Variants in LAMTOR1 observed in about 807,000 individuals in gnomAD.
The protein encoded by LAMTOR1 is ragulator complex protein LAMTOR1.
A neutral mutation model predicts 20.5 loss-of-function variants in LAMTOR1; 8 were observed. The observed-to-expected ratio is 0.39, with a 90% CI of 0.23 to 0.70. The LOEUF is 0.70. LAMTOR1 is among the 30% of genes least tolerant of loss of function. The pLI, the probability that LAMTOR1 is intolerant of heterozygous loss-of-function variation, is 0.43. For missense variants in LAMTOR1, 135 were observed against 206.2 expected, an observed-to-expected ratio of 0.65 and a Z score of 2.11; for synonymous variants, 77 against 80.9, an observed-to-expected ratio of 0.95 and a Z score of 0.26.
At chr11:72,100,190 G>A (rs1489439211) in intron 1 of LAMTOR1, among the ~76,000 whole-genome samples, 3 of 152,146 alleles carry the variant, frequency 2.0e-5, no homozygotes, top group African/African-American at 7.2e-5. Flanking sequence ...TGAACCCAGG[G>A]TTTGAGGCTG....
chr11:72,099,948 C>T (rs1222579037), intron 1 of LAMTOR1, among the ~76,000 whole-genome samples: 1 of 152,148 alleles, frequency 6.6e-6, no homozygotes, highest in Admixed American at 6.5e-5. Context: ...ACTGAGTGTA[C>T]ATGGTGTATC....
intron 1 of LAMTOR1, among the ~76,000 whole-genome samples, chr11:72,101,593 C>T (rs1032343291): frequency 2.6e-5 from 4 of 152,128 alleles, no homozygotes; most frequent in African/African-American, 9.7e-5. Flanking sequence ...TAAACTGTAA[C>T]GTGTTGTATA....
Position 72,098,276 on chromosome 11 carries a change from A to AG in LAMTOR1, c.393+12dup. The AG allele has an allele frequency of 1.2e-6, 2 of 1,610,400 alleles. No homozygotes were observed. Among genetic ancestry groups the AG allele is most frequent in the Non-Finnish European group, 8.5e-7 (1 of 1,179,336 alleles). On this transcript the variant is annotated intron_variant, in intron 4 of 4. Coordinates refer to ENST00000278671, the MANE Select transcript of LAMTOR1 (RefSeq NM_017907.3). ...TGAGAAGGGTGGGCAGGGGCAGGTG[A>AG]GGGGTGTCTCACCTGCTGCAAATCA...
chr11:72,098,722 C>T lies in LAMTOR1; in HGVS notation c.266+59G>A, dbSNP rs377263055. The T allele has an allele frequency of 9.3e-5, 118 of 1,263,950 alleles. No individual in the cohort carries two copies. The African/African-American group carries it at 1.7e-3, about 18-fold the overall frequency. 78.3% of individuals were successfully genotyped at this position (1,263,950 alleles called of 1,614,324 possible). On this transcript the variant is annotated intron_variant, in intron 3 of 4. Coordinates refer to ENST00000278671, the MANE Select transcript of LAMTOR1 (RefSeq NM_017907.3). ...TAGGGGCCAGGCTCCAAAGCTGGAA[C>T]AGTGATGGAGGGTGGGAGCCCAAGT...
intron 3 of LAMTOR1, 32 bp downstream of exon 3, chr11:72,098,749 G>A: frequency 6.8e-7 from 1 of 1,474,098 alleles, no homozygotes; most frequent in Non-Finnish European, 9.1e-7. Flanking sequence ...AGCCCAAGTA[G>A]CCTGAGGGAC....
At position 72,099,144 on chromosome 11, in the gene LAMTOR1, G is replaced by C. The variant is rs1490656675; in HGVS notation, c.155C>G (p.Ala52Gly). 1 of 1,613,852 alleles carries C rather than the reference G, an allele frequency of 6.2e-7. No homozygotes were observed. Among genetic ancestry groups the C allele is most frequent in the Admixed American group, 1.7e-5 (1 of 59,990 alleles). Reference sequence around the variant, plus strand: ...CTTGGCAAGGATGGAAGAGAGCAGGGCCTGCTCATCAGTGCGAGCGGAAGG... The same window carrying C: ...CTTGGCAAGGATGGAAGAGAGCAGGCCCTGCTCATCAGTGCGAGCGGAAGG... The part of the protein sequence containing the change: ...SLPSARTDEQ[A>G]LLSSILAKTA... The change falls in exon 2 of 5, where the codon GCC (alanine) becomes GGC (glycine). Residue 52 changes from alanine to glycine, a missense_variant. Coordinates refer to ENST00000278671, the MANE Select transcript of LAMTOR1 (RefSeq NM_017907.3).
In LAMTOR1 at chr11:72,097,791, G is replaced by C; in HGVS notation, c.*31C>G. 1.2e-6 allele frequency: 2 copies of C among 1,613,952 alleles called. No homozygotes were observed. Among genetic ancestry groups the C allele is most frequent in the Non-Finnish European group, 1.7e-6 (2 of 1,179,926 alleles). Reference sequence around the variant, plus strand: ...GGGTGGGGTAGAGATGGGATGAAGAGAGGAGAAGAGCTGTCCAAGGACCCC... The same window carrying C: ...GGGTGGGGTAGAGATGGGATGAAGACAGGAGAAGAGCTGTCCAAGGACCCC... On this transcript the variant is annotated 3_prime_UTR_variant, in exon 5 of 5. Coordinates refer to ENST00000278671, the MANE Select transcript of LAMTOR1 (RefSeq NM_017907.3).
At chr11:72,098,710 C>A in intron 3 of LAMTOR1, 71 bp downstream of exon 3, 1 of 1,178,974 alleles carries the variant, frequency 8.5e-7, no homozygotes, top group South Asian at 1.5e-5. Flanking sequence ...GGGCCAGGCT[C>A]CAAAGCTGGA....
Position 72,098,396 on chromosome 11 carries a change from T to C in LAMTOR1, c.286A>G (p.Ser96Gly), listed in dbSNP as rs764378403. Reference protein sequence around the residue: ...RQYSTRLAVLSSSLTHWKKLP... With the variant: ...RQYSTRLAVLGSSLTHWKKLP... ...TTCTTCCAATGGGTCAGGCTGCTGCTCAGCACAGCCAAGCGGGTGCTGACC... is the reference window on the plus strand; with the variant it reads ...TTCTTCCAATGGGTCAGGCTGCTGCCCAGCACAGCCAAGCGGGTGCTGACC... Residue 96 changes from serine (S) to glycine (G), a missense_variant, in exon 4 of 5, where the codon AGC (serine) becomes GGC (glycine). Physicochemically the swap from Ser to Gly is moderately conservative, Grantham distance 56. Transcript: ENST00000278671. 7 of 1,611,982 alleles carry C rather than the reference T, an allele frequency of 4.3e-6. No homozygotes were observed. The East Asian group carries it at 1.6e-4, about 36-fold the overall frequency.
rs763247144 is a variant in LAMTOR1 at position 72,098,429 on chromosome 11, AG to A, written c.267-15del. The A allele has an allele frequency of 1.1e-5, 17 of 1,603,454 alleles. No individual in the cohort carries two copies. The highest frequency in any genetic ancestry group is 1.4e-5 in the Non-Finnish European group (17 of 1,175,180). Reference sequence around the variant, plus strand: ...GCCAAGCGGGTGCTGACCAAGAGAGAGGGGGTGGGGGTAGGCAGTTAAGCCA... The same window carrying A: ...GCCAAGCGGGTGCTGACCAAGAGAGAGGGGTGGGGGTAGGCAGTTAAGCCA... On this transcript the variant is annotated splice_polypyrimidine_tract_variant and intron_variant, in intron 3 of 4. Transcript: ENST00000278671.
At chr11:72,100,017 CT>C (rs1201436470) in intron 1 of LAMTOR1, among the ~76,000 whole-genome samples, 5 of 152,088 alleles carry the variant, frequency 3.3e-5, no homozygotes, top group Non-Finnish European at 7.3e-5. Flanking sequence ...AATCCCAACA[CT>C]TTGGGAGCCC....
intron 3 of LAMTOR1, 118 bp downstream of exon 3, chr11:72,098,663 G>T: frequency 1.2e-6 from 1 of 826,652 alleles, no homozygotes; most frequent in Non-Finnish European, 1.9e-6. Context: ...TCTGTGGTCA[G>T]TCTCCAGGGC....
intron 4 of LAMTOR1, 99 bp from the exon 5 acceptor site, chr11:72,098,013 G>T (rs537570879): frequency 2.2e-6 from 3 of 1,385,000 alleles, no homozygotes; most frequent in Non-Finnish European, 2.9e-6. Context: ...TGGAGAAGGA[G>T]GGAATGAAGG....
chr11:72,097,810 G>A lies in LAMTOR1; in HGVS notation c.*12C>T, dbSNP rs1555052302. On this transcript the variant is annotated 3_prime_UTR_variant, in exon 5 of 5. Transcript: ENST00000278671. The stretch of plus-strand genomic sequence containing the variant: ...TGAAGAGAGGAGAAGAGCTGTCCAA[G>A]GACCCCTCTCTTCATGGGATCCCAA... 1 of 1,613,952 alleles carries A rather than the reference G, an allele frequency of 6.2e-7. No homozygotes were observed. The highest frequency in any genetic ancestry group is 8.5e-7 in the Non-Finnish European group (1 of 1,179,996).
At chr11:72,099,779 C>T (rs1373257139) in intron 1 of LAMTOR1, among the ~76,000 whole-genome samples, 4 of 152,210 alleles carry the variant, frequency 2.6e-5, no homozygotes, top group Admixed American at 2.6e-4. Context: ...CAAGCCCAAC[C>T]TCTCCATGGC....
Position 72,103,268 on chromosome 11 carries a change from G to GGCCAATAATCTTATATTT in LAMTOR1, c.-45_-44insAAATATAAGATTATTGGC. On this transcript the variant is annotated 5_prime_UTR_variant, in exon 1 of 5. Transcript: ENST00000278671. ...CGCTCAGGCCGCGCCGAGGAGGGAC[G>GGCCAATAATCTTATATTT]GCGTCCGTGAGGAGCCCTTCCGGTC... 2 of 1,546,934 alleles carry GGCCAATAATCTTATATTT rather than the reference G, an allele frequency of 1.3e-6. No individual in the cohort carries two copies. Among genetic ancestry groups the GGCCAATAATCTTATATTT allele is most frequent in the South Asian group, 2.4e-5 (2 of 83,878 alleles).
At chr11:72,098,197 C>T (rs1287012086) in intron 4 of LAMTOR1, 92 bp downstream of exon 4, 1 of 1,532,384 alleles carries the variant, frequency 6.5e-7, no homozygotes, top group Non-Finnish European at 8.9e-7. Flanking sequence ...ACTCCACCTT[C>T]CCTACCTCCT....
At chr11:72,101,300 G>A (rs577550034) in intron 1 of LAMTOR1, among the ~76,000 whole-genome samples, 52 of 152,344 alleles carry the variant, frequency 3.4e-4, no homozygotes, top group African/African-American at 1.2e-3. Flanking sequence ...GTTTGTCTCT[G>A]CATTAGTGTA....
intron 3 of LAMTOR1, 39 bp from the exon 4 acceptor site, chr11:72,098,454 C>T (rs510925): frequency 0.048 from 77,187 of 1,592,928 alleles, 4,070 homozygotes; most frequent in East Asian, 0.23. Flanking sequence ...GCAGTTAAGC[C>T]ACAGTCTGCC....
Sources: allele counts gnomAD v4.1 joint callset (sites outside exome capture counted in the v4.1 genomes callset), GRCh38; gene constraint gnomAD v4.1.1; transcripts MANE v1.5; gene names NCBI Gene and HGNC (gene_info 2026-07-23, HGNC 2026-07-21).